NEFH: variants seen among roughly 807,000 people sequenced by gnomAD.
The protein encoded by NEFH is neurofilament heavy chain.
A neutral mutation model predicts 56.6 loss-of-function variants in NEFH; 58 were observed. The ratio of observed to expected loss-of-function variants is 1.03; its 90% CI spans 0.83 to 1.28. The LOEUF (loss-of-function observed/expected upper bound fraction) is 1.28, where lower values mean the gene tolerates loss of function less well. Ranked by LOEUF, NEFH falls within the 50% of genes most tolerant of loss-of-function variation. The pLI is 0.00. For synonymous variants in NEFH, 542 were observed against 545.8 expected, an observed-to-expected ratio of 0.99 and a Z score of 0.10; for missense variants, 1,221 against 1,307.6, an observed-to-expected ratio of 0.93 and a Z score of 1.02.
chr22:29,481,703 T>C (rs2063011866), intron 1 of NEFH, among the ~76,000 whole-genome samples: 1 of 152,208 alleles, frequency 6.6e-6, no homozygotes, highest in African/African-American at 2.4e-5. Flanking sequence ...CATCCTTTCT[T>C]CCTAGAGGGA....
chr22:29,486,798 C>T (rs1398115361), intron 3 of NEFH, among the ~76,000 whole-genome samples: 1 of 152,196 alleles, frequency 6.6e-6, no homozygotes, highest in African/African-American at 2.4e-5. Context: ...GCTGGGATTA[C>T]AGGCGTGAGC....
Position 29,483,585 on chromosome 22 carries a change from G to A in NEFH, c.1083+11G>A, listed in dbSNP as rs778747287. On this transcript the variant is annotated intron_variant, in intron 2 of 3. Transcript: ENST00000310624. The stretch of plus-strand genomic sequence containing the variant: ...ATTGCCTCCTACCAGGTGGGCAGGG[G>A]CAAGGCAGACAGCCAGACTGCCTTA... 16 of 1,612,954 alleles carry A rather than the reference G, an allele frequency of 9.9e-6. No individual in the cohort carries two copies. The highest frequency in any genetic ancestry group is 1.3e-5 in the Non-Finnish European group (15 of 1,179,882).
In NEFH at chr22:29,481,025, A is replaced by G. The variant is rs749819176; in HGVS notation, c.763A>G (p.Met255Val). ...IQGSGAAQAQ[M>V]QAETRDALKC... ...GGGCTCCGGCGCCGCGCAGGCGCAG[A>G]TGCAGGCCGAGACGCGCGACGCCCT... is the stretch of plus-strand genomic sequence containing the variant. Residue 255 changes from methionine (M) to valine (V), a missense_variant, in exon 1 of 4, where the codon ATG (methionine) becomes GTG (valine). Met to Val is a conservative substitution (Grantham distance 21, BLOSUM62 1). Coordinates refer to ENST00000310624, the MANE Select transcript of NEFH (RefSeq NM_021076.4). The G allele has an allele frequency of 3.3e-6, 5 of 1,531,584 alleles. No homozygotes were observed. The South Asian group carries it at 4.8e-5, about 15-fold the overall frequency. The allele number at this position is 1,531,584 out of a possible 1,614,324, so 94.9% of individuals were successfully genotyped here.
In NEFH at chr22:29,489,138, G is replaced by GAAACAA. The variant is rs576586746; in HGVS notation, c.1500_1505dup (p.Thr501_Lys502dup). 1.5e-3 allele frequency: 2,397 copies of GAAACAA among 1,613,732 alleles called. 24 individuals carry two copies. In the African/African-American group the frequency reaches 0.027, roughly 18 times the overall value. ...AGAGGAGGCAGAAGGGGGAGAAGAA[G>GAAACAA]AAACAAAGTCTCCCCCAGCAGAAGA... is the stretch of plus-strand genomic sequence containing the variant. On this transcript the variant is annotated inframe_insertion, in exon 4 of 4. Coordinates refer to ENST00000310624, the MANE Select transcript of NEFH (RefSeq NM_021076.4).
In NEFH at chr22:29,490,376, C is replaced by G. The variant is rs2063073914; in HGVS notation, c.2736C>G (p.Ala912=). 12 of 1,613,102 alleles carry G rather than the reference C, an allele frequency of 7.4e-6. No homozygotes were observed. The highest frequency in any genetic ancestry group is 1.3e-5 in the African/African-American group (1 of 74,768). The change falls in exon 4 of 4, where the codon GCC becomes GCG. Residue 912 remains alanine, a synonymous_variant. Transcript: ENST00000310624. ...CCACCCCAGAGAAGGAGGCTCCTGC[C>G]AAGGTGGAGGTGAAGGAAGACGCTA... ...KVPTPEKEAP[A]KVEVKEDAKP...
At position 29,488,867 on chromosome 22, in the gene NEFH, A is replaced by C; in HGVS notation, c.1227A>C (p.Glu409Asp). 1 of 1,614,228 alleles carries C rather than the reference A, an allele frequency of 6.2e-7. No homozygotes were observed. Among genetic ancestry groups the C allele is most frequent in the South Asian group, 1.1e-5 (1 of 91,080 alleles). The change falls in exon 4 of 4, where the codon GAA becomes GAC. Residue 409 changes from glutamate to aspartate, a missense_variant. Physicochemically the swap from Glu to Asp is conservative, Grantham distance 45. Coordinates refer to ENST00000310624, the MANE Select transcript of NEFH (RefSeq NM_021076.4). Reference protein sequence around the residue: ...IAAYRKLLEGEECRIGFGPIP... With the variant: ...IAAYRKLLEGDECRIGFGPIP... ...CCTGCAGAAAACTCCTGGAAGGTGA[A>C]GAGTGTCGGATTGGCTTTGGCCCAA...
Position 29,480,491 on chromosome 22 carries a change from C to A in NEFH, c.229C>A (p.Leu77Met). 1.3e-6 allele frequency: 2 copies of A among 1,533,952 alleles called. No homozygotes were observed. The highest frequency in any genetic ancestry group is 8.7e-7 in the Non-Finnish European group (1 of 1,146,594). ...GAGAASSTDS[L>M]DTLSNGPEGC... is the part of the protein sequence containing the mutation. ...AGGCGCCGCCTCAAGCACCGACTCG[C>A]TGGACACGCTGAGCAACGGGCCGGA... The change falls in exon 1 of 4, where the codon CTG (leucine) becomes ATG (methionine). Residue 77 changes from leucine to methionine, a missense_variant. Around this residue, in one of 4 missense-constraint regions of NEFH, gnomAD observed 640 missense variants for 555.5 expected, o/e 1.15. Coordinates refer to ENST00000310624, the MANE Select transcript of NEFH (RefSeq NM_021076.4).
rs761860013 is a variant in NEFH, at chr22:29,490,102, A to C, written c.2462A>C (p.Lys821Thr). ...EKEIPKKEEV[K>T]SPVKEEEKPQ... ...GAGATCCCAAAAAAGGAAGAGGTGA[A>C]GTCCCCAGTGAAGGAGGAGGAGAAG... Residue 821 changes from lysine (K) to threonine (T), a missense_variant, in exon 4 of 4, where the codon AAG becomes ACG. By Grantham distance (78) the Lys-to-Thr change is moderately conservative. This residue lies in a region of NEFH where 301 missense variants were observed against 346.6 expected (regional missense o/e 0.87). Transcript: ENST00000310624. 1 of 1,614,126 alleles carries C rather than the reference A, an allele frequency of 6.2e-7. No homozygotes were observed. Among genetic ancestry groups the C allele is most frequent in the South Asian group, 1.1e-5 (1 of 91,076 alleles).
chr22:29,483,516 T>C lies in NEFH; in HGVS notation c.1025T>C (p.Leu342Pro). ...LEALKSTKDS[L>P]ERQRSELEDR... Reference sequence around the variant, plus strand: ...GCACTGAAAAGCACCAAGGACTCACTGGAGAGGCAGCGCTCTGAGCTGGAG... The same window carrying C: ...GCACTGAAAAGCACCAAGGACTCACCGGAGAGGCAGCGCTCTGAGCTGGAG... The change falls in exon 2 of 4, where the codon CTG (leucine) becomes CCG (proline). Residue 342 changes from leucine (L) to proline (P), a missense_variant. Physicochemically the swap from Leu to Pro is moderately conservative, Grantham distance 98. This residue lies in a region of NEFH where 640 missense variants were observed against 555.5 expected (regional missense o/e 1.15). Transcript: ENST00000310624. 6.2e-7 allele frequency: 1 copy of C among 1,613,972 alleles called. No homozygotes were observed. Among genetic ancestry groups the C allele is most frequent in the Non-Finnish European group, 8.5e-7 (1 of 1,180,030 alleles).
intron 1 of NEFH, among the ~76,000 whole-genome samples, chr22:29,482,517 CAG>C (rs1288301676): frequency 1.3e-5 from 2 of 152,206 alleles, no homozygotes; most frequent in African/African-American, 4.8e-5. Context: ...GAGAAAGGGA[CAG>C]GGGTTGGCAC....
intron 1 of NEFH, among the ~76,000 whole-genome samples, chr22:29,482,679 C>T (rs1453481571): frequency 2.0e-5 from 3 of 152,228 alleles, no homozygotes; most frequent in Admixed American, 6.5e-5. Context: ...AAACCTGCAG[C>T]CTCCAGCTCA....
At position 29,488,287 on chromosome 22, in the gene NEFH, C is replaced by CCGGGAGAA. The variant is rs1261460055; in HGVS notation, c.1209-562_1209-561insCGGGAGAA. On this transcript the variant is annotated intron_variant, in intron 3 of 3. Transcript: ENST00000310624. The stretch of plus-strand genomic sequence containing the variant: ...GCTGAGACAGGAGAATTGCTTGAAG[C>CCGGGAGAA]TGGGGGAATTGCTTGAATCTGGGAG... Among the ~76,000 whole-genome samples, 5 of 152,018 alleles carry CCGGGAGAA rather than the reference C, an allele frequency of 3.3e-5. No individual in the cohort carries two copies. The East Asian group carries it at 9.7e-4, about 29-fold the overall frequency.
At position 29,480,381 on chromosome 22, in the gene NEFH, C is replaced by T. The variant is rs1474351396; in HGVS notation, c.119C>T (p.Ala40Val). The T allele has an allele frequency of 1.3e-6, 2 of 1,536,982 alleles. No individual in the cohort carries two copies. The highest frequency in any genetic ancestry group is 1.9e-5 in the Admixed American group (1 of 51,410). ...RKGGAGGTRS[A>V]AGSSSGFHSW... Reference sequence around the variant, plus strand: ...GGTGGCGCAGGCGGGACGCGCTCCGCCGCTGGCTCCTCCAGCGGCTTCCAC... The same window carrying T: ...GGTGGCGCAGGCGGGACGCGCTCCGTCGCTGGCTCCTCCAGCGGCTTCCAC... The change falls in exon 1 of 4, where the codon GCC becomes GTC. Residue 40 changes from alanine (A) to valine (V), a missense_variant. Physicochemically the swap from Ala to Val is moderately conservative, Grantham distance 64. This residue lies in a region of NEFH where 640 missense variants were observed against 555.5 expected (regional missense o/e 1.15). Transcript: ENST00000310624.
At position 29,483,334 on chromosome 22, in the gene NEFH, C is replaced by G. The variant is rs1045577524; in HGVS notation, c.884-41C>G. 1.9e-6 allele frequency: 3 copies of G among 1,583,740 alleles called. No individual in the cohort carries two copies. The African/African-American group carries it at 4.0e-5, about 21-fold the overall frequency. On this transcript the variant is annotated intron_variant, in intron 1 of 3. Transcript: ENST00000310624. ...AAAATCTGGGCATTAGAACCCAGTC[C>G]AGGTGTGTCTAACCCTGTGCCCTGC...
Position 29,488,852 on chromosome 22 carries a change from A to G in NEFH, c.1212A>G (p.Lys404=). Residue 404 remains lysine (K), a synonymous_variant, in exon 4 of 4, where the codon AAA becomes AAG. Transcript: ENST00000310624. The stretch of plus-strand genomic sequence containing the variant: ...TGTTCCGTGATCCATCCTGCAGAAA[A>G]CTCCTGGAAGGTGAAGAGTGTCGGA... ...ALDIEIAAYR[K]LLEGEECRIG... 2 of 1,613,944 alleles carry G rather than the reference A, an allele frequency of 1.2e-6. No individual in the cohort carries two copies. The highest frequency in any genetic ancestry group is 1.7e-6 in the Non-Finnish European group (2 of 1,179,990).
chr22:29,485,952 G>T (rs2063042173), intron 3 of NEFH, 105 bp downstream of exon 3: 1 of 1,252,932 alleles, frequency 8.0e-7, no homozygotes, highest in Non-Finnish European at 1.2e-6. Context: ...CTGTCTTAGG[G>T]ACAAAATTCT....
At chr22:29,484,011 G>A (rs968575024) in intron 2 of NEFH, among the ~76,000 whole-genome samples, 3 of 151,866 alleles carry the variant, frequency 2.0e-5, no homozygotes, top group Admixed American at 1.3e-4. Flanking sequence ...CACCACACCT[G>A]GCTAACTTTT....
rs754121553 is a variant in NEFH at position 29,490,287 on chromosome 22, G to A, written c.2647G>A (p.Glu883Lys). The change falls in exon 4 of 4, where the codon GAA becomes AAA. Residue 883 changes from glutamate (E) to lysine (K), a missense_variant. Glu to Lys is a moderately conservative substitution (Grantham distance 56). Around this residue, in one of 4 missense-constraint regions of NEFH, gnomAD observed 301 missense variants for 346.6 expected, o/e 0.87. Transcript: ENST00000310624. ...KVEEKKEPAV[E>K]KPKESKVEAK... ...GGAGGAGAAGAAGGAACCTGCTGTC[G>A]AAAAGCCCAAAGAATCCAAAGTTGA... The A allele has an allele frequency of 1.4e-5, 23 of 1,612,418 alleles. No individual in the cohort carries two copies. Among genetic ancestry groups the A allele is most frequent in the Middle Eastern group, 1.6e-4 (1 of 6,084 alleles).
chr22:29,481,193 A>G (rs762773517), intron 1 of NEFH, 48 bp downstream of exon 1: 4 of 1,522,904 alleles, frequency 2.6e-6, no homozygotes, highest in South Asian at 1.2e-5. Flanking sequence ...CTGACCCCGC[A>G]GCGAACTTTT....
Sources: allele counts gnomAD v4.1 joint callset (sites outside exome capture counted in the v4.1 genomes callset), GRCh38; gene constraint gnomAD v4.1.1; regional missense constraint gnomAD v4.1.1; transcripts MANE v1.5; gene names NCBI Gene and HGNC (gene_info 2026-07-23, HGNC 2026-07-21).